The following PHLDB2 variants were observed in gnomAD, a reference collection of about 807,000 sequenced individuals.
The protein encoded by PHLDB2 is pleckstrin homology like domain family B member 2.
A neutral mutation model predicts 123.6 loss-of-function variants in PHLDB2; 71 were observed. The ratio of observed to expected loss-of-function variants is 0.57; its 90% CI spans 0.47 to 0.70. The LOEUF is 0.70. Among genes scored for constraint, PHLDB2 ranks in the 30% least tolerant of loss-of-function variants. The pLI, the probability that PHLDB2 is intolerant of heterozygous loss-of-function variation, is 0.00. For synonymous variants in PHLDB2, 547 were observed against 541.6 expected, an observed-to-expected ratio of 1.01 and a Z score of -0.14; for missense variants, 1,446 against 1,519.5, an observed-to-expected ratio of 0.95 and a Z score of 0.80.
At chr3:111,793,000 A>G (rs1376058071) in intron 1 of PHLDB2, among the ~76,000 whole-genome samples, 1 of 152,218 alleles carries the variant, frequency 6.6e-6, no homozygotes, top group Non-Finnish European at 1.5e-5. Flanking sequence ...AAGCTAGCAC[A>G]GCACTGGGTC....
At chr3:111,816,443 A>T (rs1360778663) in intron 1 of PHLDB2, among the ~76,000 whole-genome samples, 1 of 152,206 alleles carries the variant, frequency 6.6e-6, no homozygotes, top group Non-Finnish European at 1.5e-5. Context: ...CGTGACCTGG[A>T]TGTAAGACAT....
At chr3:111,945,733 T>A (rs963920734) in intron 9 of PHLDB2, among the ~76,000 whole-genome samples, 1 of 152,046 alleles carries the variant, frequency 6.6e-6, no homozygotes, top group Non-Finnish European at 1.5e-5. Context: ...TTATTTTGCT[T>A]CTCCTTCTCC....
At chr3:111,856,669 T>A (rs1371197767), upstream of PHLDB2, among the ~76,000 whole-genome samples, 2 of 152,190 alleles carry the variant, frequency 1.3e-5, no homozygotes, top group East Asian at 3.8e-4. Context: ...TCAAGTGTAT[T>A]TCTGGCATTG....
chr3:111,953,697 C>T, intron 11 of PHLDB2: 1 of 414,108 alleles, frequency 2.4e-6, no homozygotes, highest in Middle Eastern at 6.7e-4. Context: ...GCTGTCTTCA[C>T]TTTTGGAATT....
chr3:111,875,738 G>A (rs977459458), intron 1 of PHLDB2, among the ~76,000 whole-genome samples: 3 of 150,798 alleles, frequency 2.0e-5, no homozygotes, highest in East Asian at 2.0e-4. Flanking sequence ...CAGGAGAATC[G>A]CTTGAACCTT....
At chr3:111,862,966 G>C (rs2108659426) in intron 1 of PHLDB2, among the ~76,000 whole-genome samples, 1 of 152,282 alleles carries the variant, frequency 6.6e-6, no homozygotes, top group South Asian at 2.1e-4. Flanking sequence ...CAACCCAGGA[G>C]TTAAAAATTT....
At chr3:111,955,554 G>A (rs930162890) in intron 12 of PHLDB2, among the ~76,000 whole-genome samples, 3 of 152,066 alleles carry the variant, frequency 2.0e-5, no homozygotes, top group Non-Finnish European at 4.4e-5. Flanking sequence ...GGGTTCAAGT[G>A]ATCCTCCCAC....
At chr3:111,739,513 A>G (rs1406133913) in intron 1 of PHLDB2, among the ~76,000 whole-genome samples, 1 of 150,732 alleles carries the variant, frequency 6.6e-6, no homozygotes, top group Non-Finnish European at 1.5e-5. Flanking sequence ...GGAGGAGGAG[A>G]AGATGACATT....
chr3:111,867,061 A>G (rs2065124710), intron 1 of PHLDB2, among the ~76,000 whole-genome samples: 1 of 151,856 alleles, frequency 6.6e-6, no homozygotes, highest in Admixed American at 6.6e-5. Flanking sequence ...CGCAGTGGTG[A>G]CACTTAGCTA....
At chr3:111,965,716 A>G (rs966342280) in intron 13 of PHLDB2, among the ~76,000 whole-genome samples, 8 of 152,348 alleles carry the variant, frequency 5.3e-5, no homozygotes, top group South Asian at 4.1e-4. Context: ...TACAAATAGC[A>G]TATGGTTTCC....
intron 15 of PHLDB2, among the ~76,000 whole-genome samples, chr3:111,968,796 C>G (rs963973631): frequency 1.3e-5 from 2 of 152,160 alleles, no homozygotes; most frequent in Non-Finnish European, 2.9e-5. Context: ...ATGCCCAACG[C>G]TCTGCCAAAT....
In PHLDB2 at chr3:111,885,170, A is replaced by T; in HGVS notation, c.1093A>T (p.Ser365Cys). The stretch of plus-strand genomic sequence containing the variant: ...GGCTTCATATGTGGGGACAAACCCG[A>T]GTCATTCACTTCTTGCTGGAGAGTC... ...DQASYVGTNP[S>C]HSLLAGESDR... The change falls in exon 2 of 18, where the codon AGT (serine) becomes TGT (cysteine). Residue 365 changes from serine (S) to cysteine (C), a missense_variant. Ser to Cys is a moderately radical substitution (Grantham distance 112, BLOSUM62 -1). Around this residue, in one of 3 missense-constraint regions of PHLDB2, gnomAD observed 832 missense variants for 831.9 expected, o/e 1.00. Transcript: ENST00000431670. 6.2e-7 allele frequency: 1 copy of T among 1,614,100 alleles called. No individual in the cohort carries two copies. Among genetic ancestry groups the T allele is most frequent in the Non-Finnish European group, 8.5e-7 (1 of 1,180,008 alleles).
rs546197757 is a variant in PHLDB2 at position 111,850,560 on chromosome 3, G to T, written c.67+4625G>T. Among the ~76,000 whole-genome samples, 208 of 152,218 alleles carry T rather than the reference G, an allele frequency of 1.4e-3. 1 individual carries two copies. The highest frequency in any genetic ancestry group is 4.7e-3 in the African/African-American group (196 of 41,552). On this transcript the variant is annotated intron_variant, in intron 2 of 17. Transcript: ENST00000393923. ...GCAGGAGGATCACTTGACCCCAGGA[G>T]CTCAAGACCAGCCTGGGCAATGTAG...
intron 1 of PHLDB2, among the ~76,000 whole-genome samples, chr3:111,870,112 A>T (rs935431831): frequency 6.6e-6 from 1 of 152,192 alleles, no homozygotes; most frequent in Non-Finnish European, 1.5e-5. Flanking sequence ...AAAGGAACAG[A>T]GGTTAGAAAG....
intron 1 of PHLDB2, among the ~76,000 whole-genome samples, chr3:111,811,710 T>C (rs1559844157): frequency 6.6e-6 from 1 of 152,114 alleles, no homozygotes. Flanking sequence ...GTCTTTCAGA[T>C]ACTATAATTC....
At chr3:111,830,955 GAGAAAGAAAGAAAGAAAGAAAGAAAGAA>G (rs1174297730) in intron 1 of PHLDB2, among the ~76,000 whole-genome samples, 3 of 63,678 alleles carry the variant, frequency 4.7e-5, no homozygotes, top group African/African-American at 2.2e-4. Flanking sequence ...AAGAAAGAAA[GAGAAAGAAAGAAAGAAAGAAAGAAAGAA>G]AGAAAGAAAG....
intron 5 of PHLDB2, among the ~76,000 whole-genome samples, chr3:111,929,255 G>C (rs1372234465): frequency 6.6e-6 from 1 of 152,174 alleles, no homozygotes; most frequent in Non-Finnish European, 1.5e-5. Flanking sequence ...GACAGAGTGA[G>C]ACACTATTTT....
intron 1 of PHLDB2, among the ~76,000 whole-genome samples, chr3:111,764,065 A>ACATG (rs2060038227): frequency 6.6e-6 from 1 of 152,210 alleles, no homozygotes; most frequent in East Asian, 1.9e-4. Context: ...ACAGACCTGC[A>ACATG]CATGACCTTT....
intron 1 of PHLDB2, among the ~76,000 whole-genome samples, chr3:111,788,363 A>C (rs2060778172): frequency 6.6e-6 from 1 of 152,222 alleles, no homozygotes; most frequent in African/African-American, 2.4e-5. Flanking sequence ...TCAGAAGTAG[A>C]GTCTGGGACT....
Sources: allele counts gnomAD v4.1 joint callset (sites outside exome capture counted in the v4.1 genomes callset), GRCh38; gene constraint gnomAD v4.1.1; regional missense constraint gnomAD v4.1.1; transcripts MANE v1.5; gene names NCBI Gene and HGNC (gene_info 2026-07-23, HGNC 2026-07-21).